RASGRP1: variants seen among roughly 807,000 people sequenced by gnomAD.
RASGRP1 encodes RAS guanyl-releasing protein 1.
In RASGRP1, 37 loss-of-function variants were observed where a neutral mutation model predicts 95.1. The observed-to-expected ratio is 0.39, with a 90% CI of 0.30 to 0.51. The LOEUF (loss-of-function observed/expected upper bound fraction) is 0.51, where lower values mean the gene tolerates loss of function less well. Among genes scored for constraint, RASGRP1 ranks in the 20% least tolerant of loss-of-function variants. The pLI is 0.80. For missense variants in RASGRP1, 711 were observed against 965.4 expected, an observed-to-expected ratio of 0.74 and a Z score of 3.49; for synonymous variants, 325 against 353.4, an observed-to-expected ratio of 0.92 and a Z score of 0.90.
intron 2 of RASGRP1, among the ~76,000 whole-genome samples, chr15:38,559,401 A>AG (rs1041206609): frequency 6.6e-6 from 1 of 152,180 alleles, no homozygotes; most frequent in African/African-American, 2.4e-5. Context: ...CCAGATTGCA[A>AG]GGGGAATTAT....
At chr15:38,550,242 C>CAAAAAAAAAAAAAAAAAAA (rs56383365) in intron 2 of RASGRP1, among the ~76,000 whole-genome samples, 1 of 89,038 alleles carries the variant, frequency 1.1e-5, no homozygotes, top group Admixed American at 1.2e-4. Context: ...ACTCTGTCGC[C>CAAAAAAAAAAAAAAAAAAA]AAAAAAAAAA....
intron 2 of RASGRP1, among the ~76,000 whole-genome samples, chr15:38,528,068 T>C (rs1892297819): frequency 6.6e-6 from 1 of 152,138 alleles, no homozygotes; most frequent in South Asian, 2.1e-4. Flanking sequence ...TCTGTTGCCC[T>C]TATCCCCTGC....
intron 3 of RASGRP1, among the ~76,000 whole-genome samples, chr15:38,520,322 C>G (rs929918953): frequency 1.3e-5 from 2 of 152,114 alleles, no homozygotes; most frequent in African/African-American, 2.4e-5. Context: ...AGTGAACAAC[C>G]CAGCAAACAT....
chr15:38,507,506 C>A (rs941125837), intron 9 of RASGRP1, among the ~76,000 whole-genome samples: 1 of 152,274 alleles, frequency 6.6e-6, no homozygotes, highest in Non-Finnish European at 1.5e-5. Context: ...AGAGTCCCAC[C>A]ACCTGGGTCT....
At chr15:38,499,391 T>C (rs1004286250) in intron 14 of RASGRP1, among the ~76,000 whole-genome samples, 1 of 152,226 alleles carries the variant, frequency 6.6e-6, no homozygotes, top group African/African-American at 2.4e-5. Flanking sequence ...TAGTAATCAT[T>C]TATCTTCTGT....
chr15:38,507,985 G>A lies in RASGRP1; in HGVS notation c.983C>T (p.Thr328Ile), dbSNP rs749775996. The change falls in exon 9 of 17, where the codon ACT (threonine) becomes ATT (isoleucine). Residue 328 changes from threonine (T) to isoleucine (I), a missense_variant. Around this residue, in one of 3 missense-constraint regions of RASGRP1, gnomAD observed 491 missense variants for 676.6 expected, o/e 0.73. Transcript: ENST00000310803. Reference protein sequence around the residue: ...HEINKVLGEMTELLSSSRNYD... With the variant: ...HEINKVLGEMIELLSSSRNYD... Reference sequence around the variant, plus strand: ...GTTTCTGGAGGAGGACAGCAGCTCAGTCATCTCACCGAGAACCTACAAAGC... The same window carrying A: ...GTTTCTGGAGGAGGACAGCAGCTCAATCATCTCACCGAGAACCTACAAAGC... The A allele has an allele frequency of 1.9e-6, 3 of 1,605,324 alleles. No homozygotes were observed. The highest frequency in any genetic ancestry group is 2.6e-6 in the Non-Finnish European group (3 of 1,176,398).
intron 15 of RASGRP1, among the ~76,000 whole-genome samples, chr15:38,497,794 T>C (rs1408308050): frequency 6.6e-6 from 1 of 152,238 alleles, no homozygotes; most frequent in East Asian, 1.9e-4. Flanking sequence ...TACTGTTGTT[T>C]GCATTTTAAT....
intron 16 of RASGRP1, 154 bp downstream of exon 16, chr15:38,494,228 C>T: frequency 1.0e-6 from 1 of 989,206 alleles, no homozygotes; most frequent in East Asian, 2.7e-5. Flanking sequence ...TCTCTTCCTC[C>T]CTGTTTCTCC....
intron 12 of RASGRP1, 171 bp from the exon 13 acceptor site, chr15:38,501,458 A>G: frequency 1.2e-6 from 1 of 827,162 alleles, no homozygotes; most frequent in Middle Eastern, 2.2e-4. Flanking sequence ...AGGATACAAG[A>G]TGACATGTGG....
chr15:38,518,652 C>T (rs1891882089), intron 4 of RASGRP1, among the ~76,000 whole-genome samples: 1 of 152,074 alleles, frequency 6.6e-6, no homozygotes, highest in Non-Finnish European at 1.5e-5. Flanking sequence ...TAAGGCATAG[C>T]ATAATCAAAG....
Position 38,516,218 on chromosome 15 carries a change from G to C in RASGRP1, c.654C>G (p.Phe218Leu). The change falls in exon 6 of 17, where the codon TTC (phenylalanine) becomes TTG (leucine). Residue 218 changes from phenylalanine to leucine, a missense_variant. Phe to Leu is a conservative substitution (Grantham distance 22). Around this residue, in one of 3 missense-constraint regions of RASGRP1, gnomAD observed 491 missense variants for 676.6 expected, o/e 0.73. Transcript: ENST00000310803. ...ATACCGATATCCTCCGGAAAGACTT[G>C]AACTCAAGGTAGGTGAGGTGCTCGG... ...ELSEHLTYLE[F>L]KSFRRISFSD... 2.5e-6 allele frequency: 4 copies of C among 1,599,958 alleles called. No individual in the cohort carries two copies. Among genetic ancestry groups the C allele is most frequent in the African/African-American group, 2.7e-5 (2 of 74,708 alleles).
intron 5 of RASGRP1, among the ~76,000 whole-genome samples, chr15:38,517,215 A>G (rs1891824020): frequency 6.6e-6 from 1 of 152,306 alleles, no homozygotes; most frequent in African/African-American, 2.4e-5. Context: ...TTCCTCAGTT[A>G]TATCTGGCCA....
chr15:38,523,380 A>C (rs1892072176), intron 3 of RASGRP1, among the ~76,000 whole-genome samples: 1 of 152,196 alleles, frequency 6.6e-6, no homozygotes, highest in South Asian at 2.1e-4. Context: ...AAAGTTAATA[A>C]ACATTAAACA....
intron 7 of RASGRP1, among the ~76,000 whole-genome samples, 197 bp from the exon 8 acceptor site, chr15:38,511,917 T>G (rs1004410660): frequency 1.3e-5 from 2 of 152,196 alleles, no homozygotes; most frequent in Admixed American, 1.3e-4. Flanking sequence ...TGGGAGGCAT[T>G]ACATCTCTCT....
rs779567751 is a variant in RASGRP1, at chr15:38,502,366, A to G, written c.1484T>C (p.Phe495Ser). Reference sequence around the variant, plus strand: ...TGGAAAACTCGCAGCAATCTTTTCAAATTCTTCCTGAGAAATGTATCCATC... The same window carrying G: ...TGGAAAACTCGCAGCAATCTTTTCAGATTCTTCCTGAGAAATGTATCCATC... ...DQDGYISQEE[F>S]EKIAASFPFS... Residue 495 changes from phenylalanine to serine, a missense_variant, in exon 12 of 17, where the codon TTT becomes TCT. This residue lies in a region of RASGRP1 where 491 missense variants were observed against 676.6 expected (regional missense o/e 0.73). Coordinates refer to ENST00000310803, the MANE Select transcript of RASGRP1 (RefSeq NM_005739.4). 3.1e-6 allele frequency: 5 copies of G among 1,606,972 alleles called. No individual in the cohort carries two copies. Among genetic ancestry groups the G allele is most frequent in the Non-Finnish European group, 3.4e-6 (4 of 1,173,706 alleles).
rs140930641 is a variant in RASGRP1 at position 38,544,980 on chromosome 15, G to A, written c.220+14841C>T. Among the ~76,000 whole-genome samples, 1,148 of 152,284 alleles carry A rather than the reference G, an allele frequency of 7.5e-3. 16 individuals carry two copies. The highest frequency in any genetic ancestry group is 0.026 in the African/African-American group (1,074 of 41,560). On this transcript the variant is annotated intron_variant, in intron 2 of 16. Coordinates refer to ENST00000310803, the MANE Select transcript of RASGRP1 (RefSeq NM_005739.4). ...TTCTAATATCCAGTATTCCACTATG[G>A]TCAGATATGAAAGTTCTCCTTTTGA...
At chr15:38,502,456 G>A in intron 11 of RASGRP1, 35 bp from the exon 12 acceptor site, 4 of 1,325,432 alleles carry the variant, frequency 3.0e-6, no homozygotes, top group Non-Finnish European at 4.3e-6. Flanking sequence ...GATTACTAAA[G>A]AGAAACCGGT....
chr15:38,496,674 A>AT (rs1037773300), intron 15 of RASGRP1, among the ~76,000 whole-genome samples: 14 of 152,300 alleles, frequency 9.2e-5, no homozygotes, highest in South Asian at 4.1e-4. Flanking sequence ...CCCTAAGAGG[A>AT]TTTTTTCCCC....
chr15:38,494,285 T>C (rs1311679418), intron 16 of RASGRP1, 97 bp downstream of exon 16: 3 of 1,479,606 alleles, frequency 2.0e-6, no homozygotes, highest in Non-Finnish European at 1.8e-6. Flanking sequence ...CTGCTTGTAA[T>C]CAGCCTGATC....
Sources: gnomAD v4.1 joint callset for allele counts (sites outside exome capture counted in the v4.1 genomes callset) on GRCh38, gnomAD v4.1.1 for gene constraint, gnomAD v4.1.1 regional missense constraint, MANE v1.5 for transcripts, NCBI Gene and HGNC (gene_info 2026-07-23, HGNC 2026-07-21) for gene names.